The following NCKAP5 variants were observed in gnomAD, a reference collection of about 807,000 sequenced individuals.
The protein encoded by NCKAP5 is NCK associated protein 5, also known as nck-associated protein 5.
In NCKAP5, 92 loss-of-function variants were observed where a neutral mutation model predicts 167.0. The ratio of observed to expected loss-of-function variants is 0.55; its 90% CI spans 0.47 to 0.66. The LOEUF is 0.66. NCKAP5 is among the 30% of genes least tolerant of loss of function. The pLI is 0.00. For missense variants in NCKAP5, 2,378 were observed against 2,315.0 expected (o/e 1.03, Z -0.56); for synonymous variants, 891 against 877.4 (o/e 1.02, Z -0.27).
chr2:133,278,660 C>A, intron 4 of NCKAP5, among the ~76,000 whole-genome samples: 1 of 149,682 alleles, frequency 6.7e-6, no homozygotes. Flanking sequence ...CCACACATAG[C>A]AAGAAAAAAC....
At position 133,372,189 on chromosome 2, in the gene NCKAP5, G is replaced by A. The variant is rs570594914; in HGVS notation, c.70-69079C>T. Among the ~76,000 whole-genome samples, 15 of 152,310 alleles carry A rather than the reference G, an allele frequency of 9.8e-5. No individual in the cohort carries two copies. In the South Asian group the frequency reaches 2.9e-3, roughly 29 times the overall value. On this transcript the variant is annotated intron_variant, in intron 3 of 19. Transcript: ENST00000409261. ...GAGCTCGAGAAGGAGAGGCTATCAG[G>A]AGGTCAACTGTTATGGGCAAAGACG...
chr2:133,313,830 A>G (rs1163440566), intron 3 of NCKAP5, among the ~76,000 whole-genome samples: 1 of 152,202 alleles, frequency 6.6e-6, no homozygotes, highest in Non-Finnish European at 1.5e-5. Flanking sequence ...TTTGATGGAG[A>G]AACACTGGTA....
rs183007191 is a variant in NCKAP5, at chr2:132,748,845, G to A, written c.5129-16794C>T. Among the ~76,000 whole-genome samples the A allele has an allele frequency of 1.8e-4, 27 of 151,622 alleles. No individual in the cohort carries two copies. The East Asian group carries it at 4.1e-3, about 23-fold the overall frequency. ...GTCACTCAGGCTGGAGTGCAATGGC[G>A]TGATCTTGGTTCACTGCAACCTCCG... On this transcript the variant is annotated intron_variant, in intron 16 of 19. Transcript: ENST00000409261.
chr2:133,055,104 A>C (rs2079750372), intron 6 of NCKAP5, among the ~76,000 whole-genome samples: 1 of 152,184 alleles, frequency 6.6e-6, no homozygotes, highest in African/African-American at 2.4e-5. Flanking sequence ...GGTATCACAA[A>C]GGAACAAACT....
intron 6 of NCKAP5, among the ~76,000 whole-genome samples, chr2:133,005,256 A>C (rs934829831): frequency 6.6e-6 from 1 of 152,204 alleles, no homozygotes; most frequent in African/African-American, 2.4e-5. Flanking sequence ...ATTTATGTTC[A>C]GAGATTGCCA....
intron 11 of NCKAP5, among the ~76,000 whole-genome samples, chr2:132,859,572 T>G (rs1329942052): frequency 6.6e-6 from 1 of 152,208 alleles, no homozygotes; most frequent in African/African-American, 2.4e-5. Context: ...TAGCCCTACA[T>G]GGCTAGTGGT....
chr2:132,926,781 T>G (rs1246939294), intron 8 of NCKAP5, among the ~76,000 whole-genome samples: 3 of 152,222 alleles, frequency 2.0e-5, no homozygotes, highest in Non-Finnish European at 4.4e-5. Context: ...ATTCATTCCA[T>G]GTCGTAGTCA....
chr2:133,152,087 G>C (rs192351888), intron 5 of NCKAP5, among the ~76,000 whole-genome samples: 2 of 152,314 alleles, frequency 1.3e-5, no homozygotes, highest in East Asian at 3.9e-4. Context: ...GGATTATTGA[G>C]ATGAAGACAA....
intron 16 of NCKAP5, among the ~76,000 whole-genome samples, chr2:132,744,826 TA>T (rs1679505940): frequency 6.6e-6 from 1 of 151,770 alleles, no homozygotes; most frequent in Non-Finnish European, 1.5e-5. Context: ...AATATGTATG[TA>T]TGAACAAACT....
chr2:133,178,900 T>G (rs1415403821), intron 5 of NCKAP5, among the ~76,000 whole-genome samples: 1 of 149,266 alleles, frequency 6.7e-6, no homozygotes, highest in Non-Finnish European at 1.5e-5. Context: ...GCATGGTAGC[T>G]CATTCCTTTA....
In NCKAP5 at chr2:132,784,356, G is replaced by A; in HGVS notation, c.2455C>T (p.Pro819Ser). 6.8e-6 allele frequency: 11 copies of A among 1,614,002 alleles called. No individual in the cohort carries two copies. Among genetic ancestry groups the A allele is most frequent in the Non-Finnish European group, 9.3e-6 (11 of 1,179,884 alleles). The stretch of plus-strand genomic sequence containing the variant: ...GAAGGGAGTAGTGTGGTGGCTTCGG[G>A]CTCCATTAGTTTTGATTTCTGAGGT... ...SSPQKSKLME[P>S]EATTLLPSSG... The change falls in exon 14 of 20, where the codon CCC (proline) becomes TCC (serine). Residue 819 changes from proline (P) to serine (S), a missense_variant. Pro to Ser is a moderately conservative substitution (Grantham distance 74). Around this residue, in one of 3 missense-constraint regions of NCKAP5, gnomAD observed 1,049 missense variants for 1,023.4 expected, o/e 1.02. Transcript: ENST00000409261.
chr2:133,349,198 A>G (rs1241952566), intron 3 of NCKAP5, among the ~76,000 whole-genome samples: 1 of 152,218 alleles, frequency 6.6e-6, no homozygotes, highest in Non-Finnish European at 1.5e-5. Context: ...CATTTGGCTT[A>G]GGGGAATCAC....
At chr2:133,061,997 A>G (rs2080023598) in intron 6 of NCKAP5, among the ~76,000 whole-genome samples, 1 of 152,230 alleles carries the variant, frequency 6.6e-6, no homozygotes, top group African/African-American at 2.4e-5. Flanking sequence ...CTTGCTATGC[A>G]GAATATTTTT....
chr2:133,583,978 T>C, the NCKAP5 span, among the ~76,000 whole-genome samples: 1 of 152,130 alleles, frequency 6.6e-6, no homozygotes, highest in Non-Finnish European at 1.5e-5. Context: ...ATGGTCTCGA[T>C]CTCCTGACCT....
chr2:133,026,298 T>C lies in NCKAP5; in HGVS notation c.342-32059A>G, dbSNP rs578159613. 6.6e-5 allele frequency among the ~76,000 whole-genome samples: 10 copies of C among 152,272 alleles called. No individual in the cohort carries two copies. In the South Asian group the frequency reaches 1.4e-3, roughly 22 times the overall value. On this transcript the variant is annotated intron_variant, in intron 6 of 19. Coordinates refer to ENST00000409261, the MANE Select transcript of NCKAP5 (RefSeq NM_207363.3). ...ATTTTCTCCCATTCTGTAGGTTGTT[T>C]GATGATAGGTTCTTTTGCTGAGTAG...
intron 11 of NCKAP5, among the ~76,000 whole-genome samples, chr2:132,804,721 C>G (rs1054062625): frequency 2.0e-5 from 3 of 152,096 alleles, no homozygotes; most frequent in Non-Finnish European, 4.4e-5. Flanking sequence ...CTAATCTTAT[C>G]TCATGAATCT....
intron 8 of NCKAP5, among the ~76,000 whole-genome samples, chr2:132,926,662 T>C (rs1182245505): frequency 6.6e-6 from 1 of 152,182 alleles, no homozygotes; most frequent in African/African-American, 2.4e-5. Context: ...CTTTTGGCCA[T>C]TTGTATGTCT....
intron 8 of NCKAP5, among the ~76,000 whole-genome samples, chr2:132,922,277 A>G (rs61182542): frequency 0.012 from 1,845 of 152,280 alleles, 48 homozygotes; most frequent in African/African-American, 0.042. Context: ...AGAAACTTTG[A>G]CCCATTCTAT....
intron 10 of NCKAP5, among the ~76,000 whole-genome samples, chr2:132,868,393 T>C (rs772239609): frequency 1.3e-5 from 2 of 152,172 alleles, no homozygotes; most frequent in African/African-American, 2.4e-5. Context: ...TATGGAAATT[T>C]CAGGCACAGT....
Sources: allele counts gnomAD v4.1 joint callset (sites outside exome capture counted in the v4.1 genomes callset), GRCh38; gene constraint gnomAD v4.1.1; regional missense constraint gnomAD v4.1.1; transcripts MANE v1.5; gene names NCBI Gene and HGNC (gene_info 2026-07-23, HGNC 2026-07-21).